Variants in DNAH17 observed in about 807,000 individuals in gnomAD.
DNAH17 encodes the protein axonemal beta dynein heavy chain 17.
Under a neutral mutation model 485.6 loss-of-function variants are expected in DNAH17, and 376 were observed. That is an observed-to-expected ratio of 0.77 (90% CI 0.71 to 0.84). The LOEUF (loss-of-function observed/expected upper bound fraction) is 0.84. Ranked by LOEUF, DNAH17 falls within the 40% of genes least tolerant of loss-of-function variation. The probability of loss-of-function intolerance (pLI) is 0.00; values close to 1 mark genes in which losing one functional copy is unlikely to be tolerated. For missense variants in DNAH17, 6,370 were observed against 5,839.3 expected (o/e 1.09, Z -2.96); for synonymous variants, 3,031 against 2,405.9 (o/e 1.26, Z -7.60).
intron 18 of DNAH17, 57 bp downstream of exon 18, chr17:78,539,680 A>C: frequency 7.2e-7 from 1 of 1,388,210 alleles, no homozygotes. Context: ...GAAACTATAG[A>C]TTCTAACAGA....
intron 14 of DNAH17, among the ~76,000 whole-genome samples, chr17:78,553,504 G>A (rs958113280): frequency 6.6e-6 from 1 of 151,840 alleles, no homozygotes; most frequent in Non-Finnish European, 1.5e-5. Context: ...GTTTCACTAT[G>A]TTGGCCAGGC....
rs776975900 is a variant in DNAH17, at chr17:78,455,732, G to A, written c.10082C>T (p.Ala3361Val). Residue 3361 changes from alanine to valine, a missense_variant, in exon 63 of 81, where the codon GCC becomes GTC. By Grantham distance (64) the Ala-to-Val change is moderately conservative. Coordinates refer to ENST00000389840, the MANE Select transcript of DNAH17 (RefSeq NM_173628.4). ...TLCGDVLLIS[A>V]FVSYVGYFTK... The stretch of plus-strand genomic sequence containing the variant: ...GAAGTAGCCCACGTAGGACACGAAG[G>A]CAGAGATGAGCAGGACGTCCCCACA... The A allele has an allele frequency of 4.6e-5, 74 of 1,611,700 alleles. No individual in the cohort carries two copies. Among genetic ancestry groups the A allele is most frequent in the Non-Finnish European group, 6.1e-5 (72 of 1,179,144 alleles).
intron 19 of DNAH17, among the ~76,000 whole-genome samples, chr17:78,533,417 T>G (rs2091292279): frequency 6.6e-6 from 1 of 152,120 alleles, no homozygotes; most frequent in African/African-American, 2.4e-5. Flanking sequence ...GCGGCTTTCC[T>G]GGCAACAGCA....
chr17:78,488,053 T>G (rs2089689995), intron 44 of DNAH17, among the ~76,000 whole-genome samples: 1 of 150,738 alleles, frequency 6.6e-6, no homozygotes, highest in Admixed American at 6.6e-5. Context: ...GGAGATTGAT[T>G]TGCAAATCTA....
In DNAH17 at chr17:78,571,409, T is replaced by C. The variant is rs563522922; in HGVS notation, c.733-31A>G. ...AAGGGGAGTGAAGATCCACCTTTCA[T>C]TGACCTGGAAGACCCTAAGGCGAGG... On this transcript the variant is annotated intron_variant, in intron 4 of 80. Transcript: ENST00000389840. The C allele has an allele frequency of 2.6e-5, 41 of 1,579,820 alleles. 1 individual carries two copies. The highest frequency in any genetic ancestry group is 3.3e-4 in the Middle Eastern group (2 of 6,016).
At chr17:78,501,903 C>G in intron 33 of DNAH17, 30 bp from the exon 34 acceptor site, 4 of 1,612,616 alleles carry the variant, frequency 2.5e-6, no homozygotes, top group Non-Finnish European at 3.4e-6. Context: ...CGATGAGACA[C>G]CACGGGTGCC....
intron 73 of DNAH17, 111 bp from the exon 74 acceptor site, chr17:78,437,979 C>T (rs767265735): frequency 2.6e-6 from 2 of 762,850 alleles, no homozygotes; most frequent in Non-Finnish European, 2.1e-6. Context: ...TCTGCCAGCA[C>T]CCCACACTTG....
intron 37 of DNAH17, among the ~76,000 whole-genome samples, 176 bp from the exon 38 acceptor site, chr17:78,496,208 C>A (rs1337324605): frequency 6.6e-6 from 1 of 152,018 alleles, no homozygotes. Flanking sequence ...GATTTGCATG[C>A]CATGTAGGAA....
chr17:78,476,343 CGG>C (rs1432036226), intron 52 of DNAH17, among the ~76,000 whole-genome samples: 9 of 92,318 alleles, frequency 9.7e-5, no homozygotes, highest in African/African-American at 4.8e-4. Flanking sequence ...AGCCACGTGC[CGG>C]AGTTATCGCG....
Position 78,479,121 on chromosome 17 carries a change from T to G in DNAH17, c.7901-5A>C. Reference sequence around the variant, plus strand: ...CCGTGATTTTCTGATGCAAAGCTGTTAGAGGAAAAGGACGTGTCAATTCTC... The same window carrying G: ...CCGTGATTTTCTGATGCAAAGCTGTGAGAGGAAAAGGACGTGTCAATTCTC... On this transcript the variant is annotated splice_region_variant and splice_polypyrimidine_tract_variant and intron_variant, in intron 50 of 80. Coordinates refer to ENST00000389840, the MANE Select transcript of DNAH17 (RefSeq NM_173628.4). 1 of 1,613,684 alleles carries G rather than the reference T, an allele frequency of 6.2e-7. No homozygotes were observed. The highest frequency in any genetic ancestry group is 8.5e-7 in the Non-Finnish European group (1 of 1,179,760).
intron 51 of DNAH17, among the ~76,000 whole-genome samples, chr17:78,478,067 TCAC>T (rs1291558239): frequency 7.9e-6 from 1 of 126,518 alleles, no homozygotes; most frequent in African/African-American, 3.3e-5. Context: ...ATCTCCACCA[TCAC>T]CACCACCATC....
At chr17:78,564,305 T>C (rs1030055995) in intron 11 of DNAH17, among the ~76,000 whole-genome samples, 1 of 152,112 alleles carries the variant, frequency 6.6e-6, no homozygotes, top group African/African-American at 2.4e-5. Flanking sequence ...ACAATCTCCA[T>C]GTTGGGGACA....
rs1226227963 is a variant in DNAH17, at chr17:78,567,036, G to T, written c.1415C>A (p.Ala472Asp). Reference protein sequence around the residue: ...DEVFELVKVFADCKYDPLDPG... With the variant: ...DEVFELVKVFDDCKYDPLDPG... ...GTCCAAGGGATCATATTTGCAGTCG[G>T]CAAAAACCTTCACCAGCTCAAAGAC... Residue 472 changes from alanine to aspartate, a missense_variant, in exon 10 of 81, where the codon GCC (alanine) becomes GAC (aspartate). Coordinates refer to ENST00000389840, the MANE Select transcript of DNAH17 (RefSeq NM_173628.4). 1 of 1,613,388 alleles carries T rather than the reference G, an allele frequency of 6.2e-7. No individual in the cohort carries two copies. The highest frequency in any genetic ancestry group is 8.5e-7 in the Non-Finnish European group (1 of 1,179,702).
At position 78,455,752 on chromosome 17, in the gene DNAH17, C is replaced by G; in HGVS notation, c.10062G>C (p.Gly3354=). ...NFRSQGVTLC[G]DVLLISAFVS... ...CGAAGGCAGAGATGAGCAGGACGTC[C>G]CCACACAGCGTGACCCCCTGGCTCC... The change falls in exon 63 of 81, where the codon GGG becomes GGC. Residue 3354 remains glycine, a synonymous_variant. Transcript: ENST00000389840. 1 of 1,613,388 alleles carries G rather than the reference C, an allele frequency of 6.2e-7. No homozygotes were observed. The highest frequency in any genetic ancestry group is 2.2e-5 in the East Asian group (1 of 44,856).
intron 14 of DNAH17, among the ~76,000 whole-genome samples, chr17:78,553,961 A>C (rs1008217790): frequency 2.0e-5 from 3 of 151,918 alleles, no homozygotes; most frequent in Non-Finnish European, 1.5e-5. Context: ...TAAAGCTCAA[A>C]ATCTTTTTTT....
At position 78,524,789 on chromosome 17, in the gene DNAH17, C is replaced by T. The variant is rs577822392; in HGVS notation, c.3864+220G>A. 3.9e-5 allele frequency among the ~76,000 whole-genome samples: 6 copies of T among 152,260 alleles called. No individual in the cohort carries two copies. The East Asian group carries it at 5.8e-4, about 15-fold the overall frequency. ...AAAAAGAAAGGGGGGCAGTCAAAGGCGAGCCCCCACCCACATACAGAGAGA... is the reference window on the plus strand; with the variant it reads ...AAAAAGAAAGGGGGGCAGTCAAAGGTGAGCCCCCACCCACATACAGAGAGA... On this transcript the variant is annotated intron_variant, in intron 25 of 80. Coordinates refer to ENST00000389840, the MANE Select transcript of DNAH17 (RefSeq NM_173628.4).
At chr17:78,551,159 G>A (rs1172651769) in intron 16 of DNAH17, among the ~76,000 whole-genome samples, 1 of 152,248 alleles carries the variant, frequency 6.6e-6, no homozygotes, top group Non-Finnish European at 1.5e-5. Context: ...GAAGGCTAAT[G>A]AAGGATTCCC....
At chr17:78,552,288 G>A (rs887637917) in intron 15 of DNAH17, among the ~76,000 whole-genome samples, 1 of 152,228 alleles carries the variant, frequency 6.6e-6, no homozygotes, top group African/African-American at 2.4e-5. Context: ...ATGAAGGGAA[G>A]ACAGGGACTC....
At chr17:78,487,632 C>T (rs1259426514) in intron 44 of DNAH17, among the ~76,000 whole-genome samples, 1 of 152,190 alleles carries the variant, frequency 6.6e-6, no homozygotes, top group African/African-American at 2.4e-5. Flanking sequence ...TCAAGCAATT[C>T]TCCTGTTTCG....
Sources: gnomAD v4.1 joint callset for allele counts (sites outside exome capture counted in the v4.1 genomes callset) on GRCh38, gnomAD v4.1.1 for gene constraint, MANE v1.5 for transcripts, NCBI Gene and HGNC (gene_info 2026-07-23, HGNC 2026-07-21) for gene names.